Variants in MAML2 observed in about 807,000 individuals in gnomAD.
MAML2 encodes the protein mastermind like transcriptional coactivator 2, also known as mastermind-like protein 2.
In MAML2, 22 loss-of-function variants were observed where a neutral mutation model predicts 96.1. The ratio of observed to expected loss-of-function variants is 0.23; its 90% confidence interval spans 0.16 to 0.33. The LOEUF (loss-of-function observed/expected upper bound fraction) is 0.33, where lower values mean the gene tolerates loss of function less well. Ranked by LOEUF, MAML2 falls within the 10% of genes least tolerant of loss-of-function variation. The pLI is 1.00. For synonymous variants in MAML2, 561 were observed against 521.3 expected, an observed-to-expected ratio of 1.08 and a Z score of -1.04; for missense variants, 1,367 against 1,392.4, an observed-to-expected ratio of 0.98 and a Z score of 0.29.
chr11:96,162,629 T>C (rs901029353), intron 1 of MAML2, among the ~76,000 whole-genome samples: 1 of 150,528 alleles, frequency 6.6e-6, no homozygotes, highest in Non-Finnish European at 1.5e-5. Flanking sequence ...GAGAATCGCT[T>C]GAACCCGAGA....
At chr11:96,318,959 C>A (rs556601493) in intron 1 of MAML2, among the ~76,000 whole-genome samples, 1 of 152,158 alleles carries the variant, frequency 6.6e-6, no homozygotes, top group African/African-American at 2.4e-5. Flanking sequence ...GTACTCATAT[C>A]CTGTGTAGTC....
chr11:96,031,991 T>A (rs1408530955), intron 2 of MAML2, among the ~76,000 whole-genome samples: 1 of 150,808 alleles, frequency 6.6e-6, no homozygotes, highest in African/African-American at 2.4e-5. Context: ...GTCTAAAAAT[T>A]AAAAAAAATA....
chr11:96,181,797 TCACTAAA>T (rs540655726), intron 1 of MAML2, among the ~76,000 whole-genome samples: 84,502 of 151,458 alleles, frequency 0.56, 24,174 homozygotes, highest in East Asian at 0.75. Context: ...TGAGTATGCT[TCACTAAA>T]GCAATAGAAC....
At chr11:96,329,869 A>G (rs1369116934) in intron 1 of MAML2, among the ~76,000 whole-genome samples, 3 of 152,234 alleles carry the variant, frequency 2.0e-5, no homozygotes, top group African/African-American at 7.2e-5. Context: ...CAGTGCTCTT[A>G]AAGATGGGAA....
intron 1 of MAML2, among the ~76,000 whole-genome samples, chr11:96,101,452 C>T (rs1268847458): frequency 6.6e-6 from 1 of 152,216 alleles, no homozygotes; most frequent in Non-Finnish European, 1.5e-5. Flanking sequence ...AGGCAGACAT[C>T]TTCTCTTATC....
chr11:96,168,945 C>T (rs564094898), intron 1 of MAML2, among the ~76,000 whole-genome samples: 9 of 152,290 alleles, frequency 5.9e-5, no homozygotes, highest in Admixed American at 1.3e-4. Flanking sequence ...CCTAGTGGTG[C>T]TATTCAGATT....
intron 1 of MAML2, among the ~76,000 whole-genome samples, chr11:96,324,923 A>G (rs1275808192): frequency 1.3e-5 from 2 of 152,194 alleles, no homozygotes; most frequent in Non-Finnish European, 1.5e-5. Context: ...CTGGACCCAC[A>G]AGAAATACAG....
intron 1 of MAML2, among the ~76,000 whole-genome samples, chr11:96,145,331 T>C (rs1860799648): frequency 6.6e-6 from 1 of 152,212 alleles, no homozygotes; most frequent in African/African-American, 2.4e-5. Flanking sequence ...GTAGTCTCAT[T>C]AAACGCTCAA....
chr11:95,988,401 G>T (rs1449921431), intron 3 of MAML2, among the ~76,000 whole-genome samples: 1 of 151,578 alleles, frequency 6.6e-6, no homozygotes, highest in Non-Finnish European at 1.5e-5. Flanking sequence ...TGAGATTACA[G>T]GTGCCCGCCA....
chr11:96,053,125 T>G (rs1859012987), intron 2 of MAML2, among the ~76,000 whole-genome samples: 1 of 152,226 alleles, frequency 6.6e-6, no homozygotes, highest in South Asian at 2.1e-4. Context: ...CCTTGAGAAA[T>G]TCAAAGTCAT....
chr11:96,160,900 G>T (rs1861094009), intron 1 of MAML2, among the ~76,000 whole-genome samples: 1 of 152,202 alleles, frequency 6.6e-6, no homozygotes, highest in South Asian at 2.1e-4. Flanking sequence ...AGCACACAGT[G>T]TGGTTTGAAC....
chr11:96,273,190 C>G (rs541727361), intron 1 of MAML2, among the ~76,000 whole-genome samples: 4 of 152,196 alleles, frequency 2.6e-5, no homozygotes, highest in African/African-American at 9.6e-5. Flanking sequence ...CTGCTTCTGA[C>G]AGCAATTGAA....
intron 1 of MAML2, among the ~76,000 whole-genome samples, chr11:96,316,914 G>T (rs2136008089): frequency 6.6e-6 from 1 of 152,096 alleles, no homozygotes; most frequent in South Asian, 2.1e-4. Flanking sequence ...TGATCCAATG[G>T]CACATAGAAG....
chr11:96,162,959 T>C (rs1202453005), intron 1 of MAML2, among the ~76,000 whole-genome samples: 1 of 152,224 alleles, frequency 6.6e-6, no homozygotes. Context: ...GTGTAATCCA[T>C]GATATGCAGG....
chr11:96,214,960 C>T (rs2135941651), intron 1 of MAML2, among the ~76,000 whole-genome samples: 1 of 152,318 alleles, frequency 6.6e-6, no homozygotes, highest in Non-Finnish European at 1.5e-5. Flanking sequence ...GGCCATGTGC[C>T]TCGTCTAGTT....
chr11:96,097,575 G>A (rs978833113), intron 1 of MAML2, among the ~76,000 whole-genome samples: 1 of 152,100 alleles, frequency 6.6e-6, no homozygotes, highest in African/African-American at 2.4e-5. Context: ...ATTAGGCATG[G>A]GACACACAGT....
chr11:96,136,909 A>G (rs972641657), intron 1 of MAML2, among the ~76,000 whole-genome samples: 2 of 152,194 alleles, frequency 1.3e-5, no homozygotes, highest in Non-Finnish European at 2.9e-5. Context: ...TACCCTGAAC[A>G]TCTTTGAGGG....
At chr11:96,232,910 A>G (rs1862316896) in intron 1 of MAML2, among the ~76,000 whole-genome samples, 1 of 152,256 alleles carries the variant, frequency 6.6e-6, no homozygotes, top group Non-Finnish European at 1.5e-5. Context: ...CTGAAAATTG[A>G]TGAGAAAAGT....
intron 2 of MAML2, among the ~76,000 whole-genome samples, chr11:96,086,456 C>T (rs1591003531): frequency 9.0e-6 from 1 of 111,354 alleles, no homozygotes; most frequent in East Asian, 2.0e-4. Context: ...ATTCTCACTT[C>T]CTTGTGTTTT....
Sources: allele counts gnomAD v4.1 joint callset (sites outside exome capture counted in the v4.1 genomes callset), GRCh38; gene constraint gnomAD v4.1.1; transcripts MANE v1.5; gene names NCBI Gene and HGNC (gene_info 2026-07-23, HGNC 2026-07-21).